Variants in CDK14 observed in about 807,000 individuals in gnomAD.
CDK14 encodes cyclin-dependent kinase 14.
In CDK14, 34 loss-of-function variants were observed where a neutral mutation model predicts 60.7. The ratio of observed to expected loss-of-function variants is 0.56; its 90% CI spans 0.43 to 0.75. The LOEUF (loss-of-function observed/expected upper bound fraction) is 0.75. CDK14 is among the 30% of genes least tolerant of loss of function. The pLI is 0.00. For missense variants in CDK14, 482 were observed against 564.1 expected, an observed-to-expected ratio of 0.85 and a Z score of 1.47; for synonymous variants, 197 against 203.7, an observed-to-expected ratio of 0.97 and a Z score of 0.28.
chr7:90,859,046 A>T (rs1429768766), intron 5 of CDK14, among the ~76,000 whole-genome samples: 1 of 152,214 alleles, frequency 6.6e-6, no homozygotes, highest in Non-Finnish European at 1.5e-5. Context: ...TTTTACAATA[A>T]GGTTTTTAGT....
chr7:91,097,084 A>G (rs1048188731), intron 12 of CDK14, among the ~76,000 whole-genome samples: 4 of 152,216 alleles, frequency 2.6e-5, no homozygotes, highest in Non-Finnish European at 5.9e-5. Flanking sequence ...ATTTTATTAT[A>G]TAAAAACATA....
intron 11 of CDK14, among the ~76,000 whole-genome samples, chr7:91,077,857 A>G (rs927272340): frequency 1.5e-4 from 23 of 152,110 alleles, no homozygotes; most frequent in Non-Finnish European, 2.4e-4. Context: ...TTGATAAAAA[A>G]CCAAGAATCC....
At chr7:90,894,182 A>G (rs1249843470) in intron 6 of CDK14, among the ~76,000 whole-genome samples, 1 of 152,288 alleles carries the variant, frequency 6.6e-6, no homozygotes, top group South Asian at 2.1e-4. Flanking sequence ...ACTGCTATGG[A>G]TGTTTACCAG....
intron 9 of CDK14, among the ~76,000 whole-genome samples, chr7:90,958,358 A>T (rs1794495309): frequency 6.6e-6 from 1 of 152,188 alleles, no homozygotes; most frequent in Non-Finnish European, 1.5e-5. Flanking sequence ...TAGTAGAGCT[A>T]CAAGAAAATC....
At chr7:90,827,622 C>A (rs1028302389) in intron 5 of CDK14, among the ~76,000 whole-genome samples, 1 of 152,162 alleles carries the variant, frequency 6.6e-6, no homozygotes, top group Non-Finnish European at 1.5e-5. Flanking sequence ...CTGTCTTCTG[C>A]CAGTGGGTAA....
intron 4 of CDK14, among the ~76,000 whole-genome samples, chr7:90,786,736 G>A (rs2116952347): frequency 6.9e-6 from 1 of 145,448 alleles, no homozygotes; most frequent in East Asian, 2.2e-4. Context: ...GGGCAACATA[G>A]TGAGACCTTT....
At chr7:91,164,991 A>G (rs1801302601) in intron 14 of CDK14, among the ~76,000 whole-genome samples, 1 of 152,196 alleles carries the variant, frequency 6.6e-6, no homozygotes, top group Admixed American at 6.5e-5. Flanking sequence ...TTTGTTTAAA[A>G]GACTGACAGC....
At chr7:91,169,292 T>A (rs1202397833) in intron 14 of CDK14, among the ~76,000 whole-genome samples, 3 of 152,142 alleles carry the variant, frequency 2.0e-5, no homozygotes, top group African/African-American at 7.2e-5. Context: ...TTCTGAGATG[T>A]TGATGGAACC....
intron 14 of CDK14, among the ~76,000 whole-genome samples, chr7:91,122,063 C>A (rs547393383): frequency 1.3e-5 from 2 of 152,258 alleles, no homozygotes; most frequent in African/African-American, 4.8e-5. Flanking sequence ...TGTAATTTTT[C>A]TGAAATAGTA....
intron 10 of CDK14, among the ~76,000 whole-genome samples, chr7:91,028,543 CTAACAGTGTA>C: frequency 6.6e-6 from 1 of 152,312 alleles, no homozygotes; most frequent in East Asian, 1.9e-4. Flanking sequence ...TGCATTCCCA[CTAACAGTGTA>C]TAAGTGTTCC....
intron 14 of CDK14, among the ~76,000 whole-genome samples, chr7:91,154,283 G>A (rs540737884): frequency 1.3e-3 from 201 of 150,634 alleles, no homozygotes; most frequent in African/African-American, 4.6e-3. Context: ...TCTTCTGCTT[G>A]GTGTATTTTC....
intron 2 of CDK14, among the ~76,000 whole-genome samples, chr7:90,620,535 G>T (rs1428207482): frequency 1.3e-5 from 2 of 152,086 alleles, no homozygotes; most frequent in African/African-American, 4.8e-5. Context: ...ATCTGTGTGA[G>T]GCCATCTAGT....
chr7:91,103,116 G>T (rs565673985), intron 12 of CDK14, among the ~76,000 whole-genome samples: 2 of 152,228 alleles, frequency 1.3e-5, no homozygotes, highest in Admixed American at 1.3e-4. Flanking sequence ...AGCCAGGCTT[G>T]GTGGTGTGCA....
At chr7:91,004,692 C>G (rs926921533) in intron 10 of CDK14, among the ~76,000 whole-genome samples, 32 of 152,288 alleles carry the variant, frequency 2.1e-4, no homozygotes, top group Middle Eastern at 3.4e-3. Flanking sequence ...GCGTGCAGAT[C>G]TGACCATGGT....
chr7:91,149,700 A>G (rs188851188), intron 14 of CDK14, among the ~76,000 whole-genome samples: 84 of 152,320 alleles, frequency 5.5e-4, no homozygotes, highest in Non-Finnish European at 9.3e-4. Context: ...GATAGCACAC[A>G]TGTTGGTTTC....
chr7:90,628,501 A>G (rs1210431981), intron 2 of CDK14, among the ~76,000 whole-genome samples: 1 of 152,026 alleles, frequency 6.6e-6, no homozygotes, highest in African/African-American at 2.4e-5. Flanking sequence ...TTCAGTGTGG[A>G]TGTGAATCAC....
chr7:90,634,085 T>C (rs1282918011), intron 2 of CDK14, among the ~76,000 whole-genome samples: 5 of 151,926 alleles, frequency 3.3e-5, no homozygotes, highest in Non-Finnish European at 7.4e-5. Context: ...TTAATATGCA[T>C]AGAAAGTTTG....
At chr7:90,982,042 G>A (rs1795241808) in intron 9 of CDK14, among the ~76,000 whole-genome samples, 1 of 152,170 alleles carries the variant, frequency 6.6e-6, no homozygotes, top group Admixed American at 6.5e-5. Flanking sequence ...ACTATGGATT[G>A]GTTATTCCTG....
chr7:90,604,233 A>G lies in CDK14; in HGVS notation c.107A>G (p.Asp36Gly). ...SFSRIALKKD[D>G]TTFDEICVTK... ...TATTTTATAGCTTTGAAGAAAGATG[A>G]CACCACCTTTGATGAGGTAGGTTAA... Residue 36 changes from aspartate to glycine, a missense_variant, in exon 2 of 15, where the codon GAC becomes GGC. Transcript: ENST00000380050. 6.5e-7 allele frequency: 1 copy of G among 1,542,842 alleles called. No homozygotes were observed. Among genetic ancestry groups the G allele is most frequent in the Non-Finnish European group, 8.8e-7 (1 of 1,136,750 alleles).
Sources: gnomAD v4.1 joint callset for allele counts (sites outside exome capture counted in the v4.1 genomes callset) on GRCh38, gnomAD v4.1.1 for gene constraint, MANE v1.5 for transcripts, NCBI Gene and HGNC (gene_info 2026-07-23, HGNC 2026-07-21) for gene names.